Variants in TFAP2D observed in about 807,000 individuals in gnomAD.
TFAP2D encodes transcription factor AP-2 delta, also known as transcription factor AP-2-delta.
A neutral mutation model predicts 43.6 loss-of-function variants in TFAP2D; 9 were observed. The observed-to-expected ratio is 0.21, with a 90% CI of 0.12 to 0.36. The LOEUF is 0.36. TFAP2D is among the 10% of genes least tolerant of loss of function. The pLI is 1.00. For synonymous variants in TFAP2D, 256 were observed against 224.9 expected (o/e 1.14, Z -1.24); for missense variants, 513 against 561.4 (o/e 0.91, Z 0.87).
At chr6:50,729,451 A>G (rs1768853007) in intron 5 of TFAP2D, 139 bp downstream of exon 5, 3 of 639,438 alleles carry the variant, frequency 4.7e-6, no homozygotes, top group African/African-American at 1.8e-5. Flanking sequence ...TTCCTAAATT[A>G]TCTTGACAAT....
chr6:50,726,735 T>A (rs1768812722), intron 3 of TFAP2D, among the ~76,000 whole-genome samples: 1 of 152,170 alleles, frequency 6.6e-6, no homozygotes. Context: ...AAGAAGTCAT[T>A]TAAGATTTTT....
intron 6 of TFAP2D, among the ~76,000 whole-genome samples, chr6:50,746,802 G>A (rs945712552): frequency 3.9e-5 from 6 of 152,126 alleles, no homozygotes; most frequent in African/African-American, 1.4e-4. Flanking sequence ...CTTAATTGAA[G>A]TTTACACACT....
chr6:50,713,811 A>G lies in TFAP2D; in HGVS notation c.-245A>G. On this transcript the variant is annotated 5_prime_UTR_variant, in exon 1 of 8. Coordinates refer to ENST00000008391, the MANE Select transcript of TFAP2D (RefSeq NM_172238.4). ...ACATCAGCCAAAGAAATACTCAGCA[A>G]GTACAAAATCTGTTCCAGGGAGCTG... 1.7e-6 allele frequency: 1 copy of G among 583,186 alleles called. No homozygotes were observed. Among genetic ancestry groups the G allele is most frequent in the Non-Finnish European group, 3.0e-6 (1 of 334,870 alleles). The allele number at this position is 583,186 out of a possible 1,614,324, so 36.1% of individuals were successfully genotyped here.
chr6:50,733,764 T>C (rs979779922), intron 5 of TFAP2D, among the ~76,000 whole-genome samples: 1 of 152,076 alleles, frequency 6.6e-6, no homozygotes, highest in Admixed American at 6.6e-5. Flanking sequence ...AGTTCCAAGA[T>C]GAATGACATC....
rs372539053 is a variant in TFAP2D at position 50,745,100 on chromosome 6, C to T, written c.884-7C>T. 3.1e-5 allele frequency: 50 copies of T among 1,613,050 alleles called. No homozygotes were observed. The highest frequency in any genetic ancestry group is 4.0e-5 in the Non-Finnish European group (47 of 1,179,542). ...GTGAGAAACTCACTTGTGTTATCTG[C>T]CAACAGGGGAGGCTTTGCACTTGGC... On this transcript the variant is annotated splice_region_variant and splice_polypyrimidine_tract_variant and intron_variant, in intron 5 of 7. Coordinates refer to ENST00000008391, the MANE Select transcript of TFAP2D (RefSeq NM_172238.4).
At chr6:50,758,323 G>A (rs939615074) in intron 7 of TFAP2D, among the ~76,000 whole-genome samples, 2 of 151,902 alleles carry the variant, frequency 1.3e-5, no homozygotes, top group African/African-American at 4.8e-5. Flanking sequence ...TCTCTGTCAA[G>A]TTATCATCCA....
intron 5 of TFAP2D, among the ~76,000 whole-genome samples, chr6:50,733,986 ATGTGTGTGTGTG>A (rs34213110): frequency 1.4e-5 from 2 of 141,670 alleles, no homozygotes; most frequent in African/African-American, 2.5e-5. Flanking sequence ...CTTTCTGTGT[ATGTGTGTGTGTG>A]TGTGTGTGTG....
intron 5 of TFAP2D, among the ~76,000 whole-genome samples, chr6:50,738,238 T>C (rs1297224202): frequency 1.3e-5 from 2 of 152,268 alleles, no homozygotes; most frequent in South Asian, 2.1e-4. Context: ...TCGTTATTGA[T>C]TTGTAAGTTT....
At chr6:50,727,173 T>C (rs1337503149) in intron 3 of TFAP2D, among the ~76,000 whole-genome samples, 1 of 152,174 alleles carries the variant, frequency 6.6e-6, no homozygotes, top group Non-Finnish European at 1.5e-5. Context: ...TTTAGAATGC[T>C]TAGGGAGAAA....
chr6:50,719,107 G>T lies in TFAP2D; in HGVS notation c.555G>T (p.Gln185His). 1 of 1,614,024 alleles carries T rather than the reference G, an allele frequency of 6.2e-7. No homozygotes were observed. The highest frequency in any genetic ancestry group is 8.5e-7 in the Non-Finnish European group (1 of 1,179,920). ...TTATTAAGGGCTCTGTGGAGGCCCA[G>T]TGTGGGCTTGTTCTCAATGGCCAAG... ...ADDLQGSVEA[Q>H]CGLVLNGQGG... Residue 185 changes from glutamine to histidine, a missense_variant, in exon 3 of 8, where the codon CAG (glutamine) becomes CAT (histidine). By Grantham distance (24) the Gln-to-His change is conservative. This residue lies in a region of TFAP2D where 311 missense variants were observed against 316.2 expected (regional missense o/e 0.98). Coordinates refer to ENST00000008391, the MANE Select transcript of TFAP2D (RefSeq NM_172238.4).
intron 2 of TFAP2D, among the ~76,000 whole-genome samples, chr6:50,718,562 C>T (rs747504746): frequency 2.6e-5 from 4 of 152,140 alleles, no homozygotes; most frequent in Non-Finnish European, 5.9e-5. Flanking sequence ...GTGAGTGAAC[C>T]TGAAGATTTT....
At chr6:50,737,938 C>T (rs897735473) in intron 5 of TFAP2D, among the ~76,000 whole-genome samples, 19 of 152,058 alleles carry the variant, frequency 1.2e-4, no homozygotes, top group African/African-American at 4.6e-4. Flanking sequence ...CTAGGAATGG[C>T]GTTGCAGGGT....
At chr6:50,729,404 G>A in intron 5 of TFAP2D, 92 bp downstream of exon 5, 5 of 1,049,120 alleles carry the variant, frequency 4.8e-6, no homozygotes, top group Non-Finnish European at 7.2e-6. Flanking sequence ...ATTTTTGTCT[G>A]TACCATTAAG....
chr6:50,715,092 C>G, intron 1 of TFAP2D, 24 bp from the exon 2 acceptor site: 1 of 1,603,250 alleles, frequency 6.2e-7, no homozygotes, highest in South Asian at 1.1e-5. Context: ...TTTCTGCTCT[C>G]CCTTTTCCCC....
intron 5 of TFAP2D, among the ~76,000 whole-genome samples, chr6:50,734,025 C>T (rs1046956520): frequency 1.3e-5 from 2 of 149,112 alleles, no homozygotes; most frequent in East Asian, 2.0e-4. Flanking sequence ...TGTGTTTAAA[C>T]AGTGTGGGAC....
intron 4 of TFAP2D, 30 bp downstream of exon 4, chr6:50,729,051 T>C: frequency 6.2e-7 from 1 of 1,611,906 alleles, no homozygotes; most frequent in Non-Finnish European, 8.5e-7. Flanking sequence ...TGGCACAGAA[T>C]TTCTGCTAAC....
At chr6:50,771,453 C>A (rs1252000636) in intron 7 of TFAP2D, among the ~76,000 whole-genome samples, 1 of 152,176 alleles carries the variant, frequency 6.6e-6, no homozygotes, top group Non-Finnish European at 1.5e-5. Flanking sequence ...GATTAAAGTG[C>A]ATTACTATGG....
intron 7 of TFAP2D, among the ~76,000 whole-genome samples, chr6:50,770,328 G>A (rs1303410160): frequency 6.6e-6 from 1 of 152,224 alleles, no homozygotes; most frequent in East Asian, 1.9e-4. Context: ...TAGTTGAGCA[G>A]TGATGATGTC....
At position 50,721,083 on chromosome 6, in the gene TFAP2D, G is replaced by T. The variant is rs142863146; in HGVS notation, c.598+1933G>T. ...TCCCAAGAAAGGCCAAAGCTCTTAG[G>T]TATCTCCAAAATGTTAGCTACCTTA... On this transcript the variant is annotated intron_variant, in intron 3 of 7. Transcript: ENST00000008391. Among the ~76,000 whole-genome samples, 204 of 152,270 alleles carry T rather than the reference G, an allele frequency of 1.3e-3. 4 individuals carry two copies. In the East Asian group the frequency reaches 0.032, roughly 24 times the overall value.
Sources: gnomAD v4.1 joint callset for allele counts (sites outside exome capture counted in the v4.1 genomes callset) on GRCh38, gnomAD v4.1.1 for gene constraint, gnomAD v4.1.1 regional missense constraint, MANE v1.5 for transcripts, NCBI Gene and HGNC (gene_info 2026-07-23, HGNC 2026-07-21) for gene names.